Variants in LRRIQ3 observed in about 807,000 individuals in gnomAD.
LRRIQ3 encodes leucine rich repeats and IQ motif containing 3.
Under a neutral mutation model 59.3 loss-of-function variants are expected in LRRIQ3, and 75 were observed. The ratio of observed to expected loss-of-function variants is 1.26; its 90% CI spans 1.05 to 1.53. The LOEUF is 1.53. LRRIQ3 is among the 40% of genes most tolerant of loss of function. The probability of loss-of-function intolerance (pLI) is 0.00; values close to 1 mark genes in which losing one functional copy is unlikely to be tolerated. For synonymous variants in LRRIQ3, 250 were observed against 231.3 expected (o/e 1.08, Z -0.73); for missense variants, 831 against 710.0 (o/e 1.17, Z -1.94).
At chr1:74,060,392 C>A (rs1377338235) in intron 6 of LRRIQ3, among the ~76,000 whole-genome samples, 3 of 151,354 alleles carry the variant, frequency 2.0e-5, no homozygotes, top group Non-Finnish European at 2.9e-5. Flanking sequence ...TCCTCCTCAT[C>A]TTCTTCTTTT....
intron 4 of LRRIQ3, among the ~76,000 whole-genome samples, chr1:74,132,092 G>A (rs939512829): frequency 1.6e-4 from 25 of 151,728 alleles, no homozygotes; most frequent in African/African-American, 5.8e-4. Flanking sequence ...AACAGACAGA[G>A]AGCCAAATCA....
chr1:74,183,776 TA>T, intron 1 of LRRIQ3, 92 bp from the exon 2 acceptor site: 1 of 1,065,840 alleles, frequency 9.4e-7, no homozygotes, highest in Admixed American at 3.2e-5. Flanking sequence ...ATAGCGCAAG[TA>T]AAAAGTGTTA....
intron 5 of LRRIQ3, among the ~76,000 whole-genome samples, chr1:74,097,920 A>G (rs548738718): frequency 1.3e-5 from 2 of 152,318 alleles, no homozygotes; most frequent in South Asian, 4.1e-4. Context: ...AAACATGGAA[A>G]GGAACAACCA....
chr1:74,176,032 G>A (rs142679114), intron 3 of LRRIQ3, among the ~76,000 whole-genome samples: 196 of 152,148 alleles, frequency 1.3e-3, no homozygotes, highest in African/African-American at 4.6e-3. Flanking sequence ...AGTGTATTTC[G>A]TTTACCCATA....
intron 1 of LRRIQ3, among the ~76,000 whole-genome samples, chr1:74,189,836 T>C (rs2100739839): frequency 6.6e-6 from 1 of 152,302 alleles, no homozygotes; most frequent in Middle Eastern, 3.4e-3. Flanking sequence ...GTGAGTCCAC[T>C]GAGCCTCTTT....
intron 4 of LRRIQ3, chr1:74,138,614 A>T: frequency 4.0e-5 from 14 of 348,730 alleles, no homozygotes; most frequent in Non-Finnish European, 5.3e-5. Flanking sequence ...GCTGCTTTCA[A>T]GAAAGCAGCC....
intron 6 of LRRIQ3, among the ~76,000 whole-genome samples, chr1:74,068,859 A>G (rs2343783): frequency 0.033 from 5,016 of 152,062 alleles, 297 homozygotes; most frequent in African/African-American, 0.11. Context: ...AAAATTGCAT[A>G]AAGCACAAGT....
At chr1:74,130,754 C>A (rs544921618) in intron 4 of LRRIQ3, among the ~76,000 whole-genome samples, 4 of 152,126 alleles carry the variant, frequency 2.6e-5, no homozygotes, top group African/African-American at 9.6e-5. Context: ...AAATAAAAAT[C>A]TCTAAAGGCC....
At chr1:74,060,360 C>T (rs12755337) in intron 6 of LRRIQ3, among the ~76,000 whole-genome samples, 12 of 150,072 alleles carry the variant, frequency 8.0e-5, no homozygotes, top group South Asian at 2.1e-4. Context: ...CTTCTTCTTC[C>T]TCCTCCTCCT....
At chr1:74,039,405 C>T (rs1227113404) in intron 7 of LRRIQ3, among the ~76,000 whole-genome samples, 1 of 152,126 alleles carries the variant, frequency 6.6e-6, no homozygotes, top group Non-Finnish European at 1.5e-5. Flanking sequence ...AAACACATGT[C>T]AGGATACTAT....
At chr1:74,154,836 C>T (rs1250180123) in intron 4 of LRRIQ3, among the ~76,000 whole-genome samples, 1 of 152,134 alleles carries the variant, frequency 6.6e-6, no homozygotes, top group African/African-American at 2.4e-5. Context: ...CATATTTTGA[C>T]CTCAGTGTGG....
At chr1:74,068,829 TAA>T (rs542374561) in intron 6 of LRRIQ3, among the ~76,000 whole-genome samples, 1 of 142,532 alleles carries the variant, frequency 7.0e-6, no homozygotes, top group Non-Finnish European at 1.5e-5. Context: ...AGGAGAATGG[TAA>T]AAAAAAAAAG....
rs143610378 is a variant in LRRIQ3, at chr1:74,043,165, G to A, written c.998-1232C>T. 1.6e-4 allele frequency among the ~76,000 whole-genome samples: 24 copies of A among 152,202 alleles called. No individual in the cohort carries two copies. The East Asian group carries it at 4.2e-3, about 27-fold the overall frequency. ...AACCTACTAATGAATTCAGAATCAG[G>A]TGACAAATACAAGTATAAAAGTTAT... On this transcript the variant is annotated intron_variant, in intron 6 of 7. Transcript: ENST00000354431.
intron 5 of LRRIQ3, among the ~76,000 whole-genome samples, chr1:74,105,402 C>G (rs568510919): frequency 6.6e-6 from 1 of 151,832 alleles, no homozygotes; most frequent in African/African-American, 2.4e-5. Context: ...CAGGAGTATA[C>G]AATCATGCTC....
chr1:74,132,262 T>G (rs1392468856), intron 4 of LRRIQ3, among the ~76,000 whole-genome samples: 2 of 152,146 alleles, frequency 1.3e-5, no homozygotes, highest in Admixed American at 6.6e-5. Flanking sequence ...TTCTCACGGA[T>G]AGGATGAATC....
intron 5 of LRRIQ3, among the ~76,000 whole-genome samples, chr1:74,094,193 C>A (rs1181636561): frequency 1.3e-5 from 2 of 152,020 alleles, no homozygotes; most frequent in African/African-American, 4.8e-5. Context: ...TTAATTACTT[C>A]TTTAGAGTCC....
intron 6 of LRRIQ3, among the ~76,000 whole-genome samples, chr1:74,063,244 T>A (rs1417593285): frequency 6.6e-6 from 1 of 152,104 alleles, no homozygotes; most frequent in Non-Finnish European, 1.5e-5. Flanking sequence ...AATCTCATAA[T>A]GAATAAAGAA....
At chr1:74,049,769 A>C (rs764434228) in intron 6 of LRRIQ3, among the ~76,000 whole-genome samples, 4 of 152,108 alleles carry the variant, frequency 2.6e-5, no homozygotes, top group Non-Finnish European at 4.4e-5. Flanking sequence ...TATATTAAAA[A>C]ATCATTTAAA....
chr1:74,050,507 A>C (rs1456523387), intron 6 of LRRIQ3: 1 of 985,200 alleles, frequency 1.0e-6, no homozygotes, highest in African/African-American at 1.7e-5. Flanking sequence ...CACAGAAGCC[A>C]ATACCATTTG....
Sources: gnomAD v4.1 joint callset for allele counts (sites outside exome capture counted in the v4.1 genomes callset) on GRCh38, gnomAD v4.1.1 for gene constraint, MANE v1.5 for transcripts, NCBI Gene and HGNC (gene_info 2026-07-23, HGNC 2026-07-21) for gene names.